ANKS1B: variants seen among roughly 807,000 people sequenced by gnomAD.
The protein encoded by ANKS1B is ankyrin repeat and sterile alpha motif domain-containing protein 1B.
In ANKS1B, 36 loss-of-function variants were observed where a neutral mutation model predicts 148.3. That is an observed-to-expected ratio of 0.24 (90% CI 0.19 to 0.32). ANKS1B has a LOEUF of 0.32. Among genes scored for constraint, ANKS1B ranks in the 10% least tolerant of loss-of-function variants. ANKS1B has a pLI of 1.00. For synonymous variants in ANKS1B, 542 were observed against 560.8 expected (o/e 0.97, Z 0.47); for missense variants, 1,157 against 1,542.6 (o/e 0.75, Z 4.19).
At chr12:98,996,004 A>G (rs1428681853) in intron 17 of ANKS1B, among the ~76,000 whole-genome samples, 1 of 152,128 alleles carries the variant, frequency 6.6e-6, no homozygotes, top group Non-Finnish European at 1.5e-5. Context: ...GGCTGGGGAA[A>G]GAACTACCGA....
At chr12:99,397,970 G>C (rs1405597949) in intron 12 of ANKS1B, among the ~76,000 whole-genome samples, 3 of 152,006 alleles carry the variant, frequency 2.0e-5, no homozygotes, top group Non-Finnish European at 4.4e-5. Flanking sequence ...AAAAGCCCCA[G>C]GGCTAGAATG....
chr12:99,619,072 G>C (rs1019288973), intron 9 of ANKS1B, among the ~76,000 whole-genome samples: 1 of 151,972 alleles, frequency 6.6e-6, no homozygotes, highest in Non-Finnish European at 1.5e-5. Context: ...GCCATTGTTG[G>C]GTGCTCCAGC....
At chr12:99,736,484 G>A (rs984922620) in intron 8 of ANKS1B, among the ~76,000 whole-genome samples, 1 of 151,726 alleles carries the variant, frequency 6.6e-6, no homozygotes, top group Non-Finnish European at 1.5e-5. Context: ...AACCAAGAAG[G>A]CAATCTTATT....
chr12:99,333,775 T>A (rs1566912377), intron 12 of ANKS1B, among the ~76,000 whole-genome samples: 1 of 151,462 alleles, frequency 6.6e-6, no homozygotes, highest in African/African-American at 2.4e-5. Flanking sequence ...CCTTTTCTAG[T>A]CCCACATTTT....
At chr12:99,160,498 CA>C (rs2076542527) in intron 14 of ANKS1B, among the ~76,000 whole-genome samples, 1 of 117,048 alleles carries the variant, frequency 8.5e-6, no homozygotes, top group Non-Finnish European at 1.7e-5. Context: ...ACCACCACAC[CA>C]GGCTATTTTT....
chr12:98,974,002 C>G (rs56403363), intron 17 of ANKS1B, among the ~76,000 whole-genome samples: 10,739 of 151,928 alleles, frequency 0.071, 1,155 homozygotes, highest in African/African-American at 0.23. Context: ...GGTGGGGATG[C>G]GGGTCTTAAA....
rs12424108 is a variant in ANKS1B, at chr12:99,387,542, G to A, written c.1756+12089C>T. 9.1e-3 allele frequency among the ~76,000 whole-genome samples: 1,392 copies of A among 152,168 alleles called. 81 individuals carry two copies. The highest frequency in any genetic ancestry group is 0.077 in the Admixed American group (1,182 of 15,280). On this transcript the variant is annotated intron_variant, in intron 12 of 26. Coordinates refer to ENST00000683438, the MANE Select transcript of ANKS1B (RefSeq NM_001352186.2). ...GAGGCAGGGTTGTTGCTTGAACCCC[G>A]GAGGCGGAGATTGCGGCCACTCCGG...
chr12:99,369,792 G>GATAGATAGATA (rs773691960), intron 12 of ANKS1B, among the ~76,000 whole-genome samples: 10 of 68,522 alleles, frequency 1.5e-4, no homozygotes, highest in East Asian at 2.4e-3. Context: ...ATAGATAGAT[G>GATAGATAGATA]GACGGACGGA....
chr12:99,581,594 A>G (rs1021409517), intron 9 of ANKS1B, among the ~76,000 whole-genome samples: 2 of 152,244 alleles, frequency 1.3e-5, no homozygotes, highest in African/African-American at 4.8e-5. Flanking sequence ...CACACTGTTA[A>G]GAAAATGAAA....
chr12:99,813,606 T>TATGATACAAAACAGATATGATATGATAC (rs2068711553), intron 2 of ANKS1B, among the ~76,000 whole-genome samples: 1 of 151,544 alleles, frequency 6.6e-6, no homozygotes, highest in African/African-American at 2.4e-5. Flanking sequence ...AAAATTATGG[T>TATGATACAAAACAGATATGATATGATAC]AAATGGTAAA....
chr12:98,860,876 C>T (rs936445634), intron 17 of ANKS1B, among the ~76,000 whole-genome samples: 67 of 152,144 alleles, frequency 4.4e-4, no homozygotes, highest in African/African-American at 1.6e-3. Flanking sequence ...GGAACTTAAA[C>T]TAAAATTAAA....
chr12:99,531,500 T>C (rs1482408690), intron 9 of ANKS1B, among the ~76,000 whole-genome samples: 2 of 152,174 alleles, frequency 1.3e-5, no homozygotes, highest in Non-Finnish European at 2.9e-5. Flanking sequence ...CTTAGGATAA[T>C]GGCTTCCAGT....
chr12:99,829,292 C>G (rs2083608923), intron 1 of ANKS1B, among the ~76,000 whole-genome samples: 1 of 151,686 alleles, frequency 6.6e-6, no homozygotes, highest in Non-Finnish European at 1.5e-5. Flanking sequence ...GGGTGGATTA[C>G]CCGAGTGAGG....
intron 15 of ANKS1B, among the ~76,000 whole-genome samples, chr12:99,133,067 TTTG>T (rs2066675921): frequency 6.6e-6 from 1 of 151,354 alleles, no homozygotes; most frequent in Admixed American, 6.6e-5. Context: ...TTTTTTTTTT[TTTG>T]AGACAGAGTA....
intron 12 of ANKS1B, among the ~76,000 whole-genome samples, chr12:99,288,770 T>A (rs1251416118): frequency 6.6e-6 from 1 of 151,914 alleles, no homozygotes; most frequent in Non-Finnish European, 1.5e-5. Context: ...ACAACAGGTA[T>A]AAAAATAACA....
chr12:99,588,447 C>T (rs916931413), intron 9 of ANKS1B, among the ~76,000 whole-genome samples: 38 of 150,636 alleles, frequency 2.5e-4, no homozygotes, highest in African/African-American at 9.1e-4. Flanking sequence ...GACAGAGTCT[C>T]GCTCTGTCAC....
intron 9 of ANKS1B, among the ~76,000 whole-genome samples, chr12:99,634,341 C>G (rs1390956467): frequency 6.6e-6 from 1 of 152,048 alleles, no homozygotes; most frequent in Non-Finnish European, 1.5e-5. Context: ...CCATGTGAGG[C>G]CCTGCACCAC....
At chr12:99,170,965 A>G (rs1279191765) in intron 14 of ANKS1B, among the ~76,000 whole-genome samples, 1 of 152,254 alleles carries the variant, frequency 6.6e-6, no homozygotes, top group African/African-American at 2.4e-5. Flanking sequence ...TTTTGAAGGT[A>G]CTGGTTTAAA....
chr12:99,078,013 GT>G (rs201511646), intron 16 of ANKS1B, among the ~76,000 whole-genome samples: 1 of 152,106 alleles, frequency 6.6e-6, no homozygotes, highest in Non-Finnish European at 1.5e-5. Context: ...GAAACCCACA[GT>G]TTTTTTGGGG....
Sources: allele counts gnomAD v4.1 joint callset (sites outside exome capture counted in the v4.1 genomes callset), GRCh38; gene constraint gnomAD v4.1.1; transcripts MANE v1.5; gene names NCBI Gene and HGNC (gene_info 2026-07-23, HGNC 2026-07-21).